The following LGSN variants were observed in gnomAD, a reference collection of about 807,000 sequenced individuals.
LGSN encodes the protein lengsin.
A neutral mutation model predicts 19.5 loss-of-function variants in LGSN; 21 were observed. The ratio of observed to expected loss-of-function variants is 1.07; its 90% CI spans 0.76 to 1.55. LGSN has a LOEUF of 1.55. Ranked by LOEUF, LGSN falls within the 40% of genes most tolerant of loss-of-function variation. LGSN has a pLI of 0.00. For missense variants in LGSN, 673 were observed against 608.5 expected (o/e 1.11, Z -1.12); for synonymous variants, 257 against 215.6 (o/e 1.19, Z -1.68).
chr6:63,504,100 A>G, the LGSN span, among the ~76,000 whole-genome samples: 1 of 152,114 alleles, frequency 6.6e-6, no homozygotes, highest in Non-Finnish European at 1.5e-5. Context: ...CATTTTTTTT[A>G]TAAATACCTC....
chr6:63,301,844 G>C (rs769698603), intron 1 of LGSN, among the ~76,000 whole-genome samples: 1 of 152,024 alleles, frequency 6.6e-6, no homozygotes. Context: ...CTTCATCAAC[G>C]AATAAGGATT....
intron 1 of LGSN, among the ~76,000 whole-genome samples, chr6:63,308,663 G>A (rs537927742): frequency 2.0e-5 from 3 of 151,956 alleles, no homozygotes; most frequent in African/African-American, 7.2e-5. Context: ...ATAGTCCGAG[G>A]TGTAGGCATT....
At chr6:63,526,274 A>G in the LGSN span, among the ~76,000 whole-genome samples, 2 of 152,006 alleles carry the variant, frequency 1.3e-5, no homozygotes, top group Non-Finnish European at 1.5e-5. Flanking sequence ...GCAGTGAACC[A>G]AGATCTCACC....
chr6:63,322,996 T>C (rs1044403078), upstream of LGSN, among the ~76,000 whole-genome samples: 1 of 152,238 alleles, frequency 6.6e-6, no homozygotes, highest in African/African-American at 2.4e-5. Context: ...AATTATTTTG[T>C]AAAGTTGATA....
the LGSN span, among the ~76,000 whole-genome samples, chr6:63,368,465 C>G: frequency 6.6e-6 from 1 of 152,190 alleles, no homozygotes; most frequent in Non-Finnish European, 1.5e-5. Flanking sequence ...CCAGGCTCTG[C>G]ACTTGCTGCT....
intron 1 of LGSN, among the ~76,000 whole-genome samples, chr6:63,314,917 G>A (rs1190866050): frequency 6.6e-6 from 1 of 152,172 alleles, no homozygotes; most frequent in Non-Finnish European, 1.5e-5. Flanking sequence ...AGCTGGAAAT[G>A]TGAAGACACC....
the LGSN span, chr6:63,572,641 CCGCCACCGCCTGTGT>C: frequency 2.4e-6 from 1 of 417,778 alleles, no homozygotes; most frequent in Admixed American, 4.4e-5. Flanking sequence ...CCTGCAGCCA[CCGCCACCGCCTGTGT>C]CGCCGCCGCC....
At chr6:63,375,789 T>C in the LGSN span, among the ~76,000 whole-genome samples, 4 of 152,120 alleles carry the variant, frequency 2.6e-5, no homozygotes, top group African/African-American at 9.7e-5. Context: ...AGGAAGTGAG[T>C]AGAAAATTAC....
the LGSN span, among the ~76,000 whole-genome samples, chr6:63,473,442 C>T: frequency 2.1e-3 from 308 of 145,544 alleles, no homozygotes; most frequent in African/African-American, 7.6e-3. Flanking sequence ...CCACTGCACT[C>T]CAGCCTGGGT....
chr6:63,287,321 C>T (rs1767578463), intron 2 of LGSN, among the ~76,000 whole-genome samples: 1 of 152,116 alleles, frequency 6.6e-6, no homozygotes, highest in African/African-American at 2.4e-5. Context: ...TGCTGTATTC[C>T]CAACCTACAC....
chr6:63,385,560 A>C, the LGSN span, among the ~76,000 whole-genome samples: 15 of 152,102 alleles, frequency 9.9e-5, no homozygotes, highest in African/African-American at 3.6e-4. Flanking sequence ...CTCCTTTATT[A>C]CTCATCAGTT....
the LGSN span, among the ~76,000 whole-genome samples, chr6:63,512,038 C>T: frequency 1.3e-5 from 2 of 151,890 alleles, no homozygotes; most frequent in African/African-American, 4.8e-5. Context: ...CCTGGACTGG[C>T]TCAGTCGTCA....
At chr6:63,298,272 C>A (rs973720263) in intron 1 of LGSN, among the ~76,000 whole-genome samples, 3 of 152,080 alleles carry the variant, frequency 2.0e-5, no homozygotes, top group Non-Finnish European at 2.9e-5. Flanking sequence ...TATGGAGATC[C>A]CCATGCGTTT....
chr6:63,425,166 T>A, the LGSN span, among the ~76,000 whole-genome samples: 1 of 152,196 alleles, frequency 6.6e-6, no homozygotes, highest in Non-Finnish European at 1.5e-5. Context: ...CACAGAAGGC[T>A]ATTGAGAATG....
the LGSN span, among the ~76,000 whole-genome samples, chr6:63,382,214 T>G: frequency 6.6e-6 from 1 of 152,214 alleles, no homozygotes; most frequent in African/African-American, 2.4e-5. Context: ...GAACTTACAT[T>G]TTTATATAGA....
At chr6:63,420,134 C>A in the LGSN span, among the ~76,000 whole-genome samples, 1 of 149,872 alleles carries the variant, frequency 6.7e-6, no homozygotes, top group Non-Finnish European at 1.5e-5. Context: ...ACTCGGGAGG[C>A]GGAGCTTGCA....
the LGSN span, among the ~76,000 whole-genome samples, chr6:63,491,643 G>A: frequency 5.3e-5 from 8 of 152,174 alleles, no homozygotes; most frequent in African/African-American, 1.9e-4. Flanking sequence ...TATGGTACAG[G>A]GATGTCTTTC....
chr6:63,518,686 TC>T, the LGSN span, among the ~76,000 whole-genome samples: 2 of 152,200 alleles, frequency 1.3e-5, no homozygotes, highest in Admixed American at 6.5e-5. Context: ...AGCAAGCCAT[TC>T]AGCCTTCACA....
At chr6:63,474,468 G>A in the LGSN span, among the ~76,000 whole-genome samples, 1 of 152,016 alleles carries the variant, frequency 6.6e-6, no homozygotes, top group Non-Finnish European at 1.5e-5. Context: ...AATTAGCTGG[G>A]CATGGTGGCA....
Sources: allele counts gnomAD v4.1 joint callset (sites outside exome capture counted in the v4.1 genomes callset), GRCh38; gene constraint gnomAD v4.1.1; transcripts MANE v1.5; gene names NCBI Gene and HGNC (gene_info 2026-07-23, HGNC 2026-07-21).